The following KLHL7 variants were observed in gnomAD, a reference collection of about 807,000 sequenced individuals.
The protein encoded by KLHL7 is kelch-like protein 7.
Under a neutral mutation model 67.4 loss-of-function variants are expected in KLHL7, and 44 were observed. That is an observed-to-expected ratio of 0.65 (90% CI 0.51 to 0.84). KLHL7 has a LOEUF of 0.84. Ranked by LOEUF, KLHL7 falls within the 40% of genes least tolerant of loss-of-function variation. The probability of loss-of-function intolerance (pLI) is 0.00; values close to 1 mark genes in which losing one functional copy is unlikely to be tolerated. For synonymous variants in KLHL7, 252 were observed against 243.3 expected, an observed-to-expected ratio of 1.04 and a Z score of -0.33; for missense variants, 362 against 718.1, an observed-to-expected ratio of 0.50 and a Z score of 5.67.
intron 4 of KLHL7, among the ~76,000 whole-genome samples, chr7:23,131,733 CTTTTT>C (rs59719158): frequency 4.8e-5 from 6 of 125,250 alleles, no homozygotes; most frequent in Non-Finnish European, 3.3e-5. Context: ...CTTATTTATT[CTTTTT>C]TTTTTTTTTT....
chr7:23,115,048 G>C (rs894176446), intron 1 of KLHL7, among the ~76,000 whole-genome samples: 1 of 152,190 alleles, frequency 6.6e-6, no homozygotes, highest in Admixed American at 6.5e-5. Context: ...CAGCCAGAAA[G>C]CGTTTGCTTG....
At chr7:23,169,791 A>G (rs538932382) in intron 9 of KLHL7, among the ~76,000 whole-genome samples, 1 of 152,322 alleles carries the variant, frequency 6.6e-6, no homozygotes, top group East Asian at 1.9e-4. Flanking sequence ...TTCATTTTAT[A>G]TATATTGAGC....
chr7:23,145,267 T>A (rs1583694768), intron 6 of KLHL7, among the ~76,000 whole-genome samples: 1 of 152,146 alleles, frequency 6.6e-6, no homozygotes, highest in East Asian at 1.9e-4. Flanking sequence ...CTCTTGGCCT[T>A]TTTCTGAGAG....
chr7:23,124,169 C>T (rs4431498), intron 2 of KLHL7, among the ~76,000 whole-genome samples: 6,588 of 109,512 alleles, frequency 0.06, 190 homozygotes, highest in Admixed American at 0.1. Flanking sequence ...CCATCCTGGG[C>T]GTCAGAGCGA....
intron 1 of KLHL7, among the ~76,000 whole-genome samples, chr7:23,114,550 G>A (rs1440138185): frequency 6.6e-6 from 1 of 152,152 alleles, no homozygotes; most frequent in Non-Finnish European, 1.5e-5. Context: ...CCAAGTAGCT[G>A]TAAGTTCTTT....
chr7:23,152,635 A>G (rs1211973610), intron 7 of KLHL7, among the ~76,000 whole-genome samples: 2 of 152,210 alleles, frequency 1.3e-5, no homozygotes, highest in Non-Finnish European at 2.9e-5. Context: ...GAAAACCACA[A>G]AGAAAAAAGA....
Position 23,106,556 on chromosome 7 carries a change from G to A in KLHL7, c.120+410G>A, listed in dbSNP as rs1048520876. On this transcript the variant is annotated intron_variant, in intron 1 of 10. Coordinates refer to ENST00000339077, the MANE Select transcript of KLHL7 (RefSeq NM_001031710.3). Reference sequence around the variant, plus strand: ...CAAACCGAAGCCCCCAAAGGGAGGAGAGTTGCTGGCCTGACATCAGCTGCT... The same window carrying A: ...CAAACCGAAGCCCCCAAAGGGAGGAAAGTTGCTGGCCTGACATCAGCTGCT... 1.6e-5 allele frequency: 17 copies of A among 1,061,222 alleles called. No individual in the cohort carries two copies. The Admixed American group carries it at 2.4e-4, about 15-fold the overall frequency. The allele number at this position is 1,061,222 out of a possible 1,614,324, so 65.7% of individuals were successfully genotyped here. A position where few individuals can be genotyped will look rare whatever the true frequency, so the allele number is the denominator to read the frequency against.
Position 23,175,650 on chromosome 7 carries a change from A to G in KLHL7, c.*1352A>G, listed in dbSNP as rs1005559349. 37 of 272,308 alleles carry G rather than the reference A, an allele frequency of 1.4e-4. No homozygotes were observed. Among genetic ancestry groups the G allele is most frequent in the African/African-American group, 8.5e-4 (37 of 43,276 alleles). 16.9% of individuals were successfully genotyped at this position (272,308 alleles called of 1,614,324 possible). On this transcript the variant is annotated 3_prime_UTR_variant, in exon 11 of 11. Coordinates refer to ENST00000339077, the MANE Select transcript of KLHL7 (RefSeq NM_001031710.3). ...TATTGAGATATAATTCACATACCAT[A>G]CAATTCACCATTTAAAGTATACTAT... is the stretch of plus-strand genomic sequence containing the variant.
At chr7:23,117,699 G>C in intron 1 of KLHL7, 1 of 817,036 alleles carries the variant, frequency 1.2e-6, no homozygotes, top group Non-Finnish European at 1.8e-6. Context: ...TGACAAATGT[G>C]ATTTCTAGAG....
chr7:23,142,014 G>A (rs751307891), intron 5 of KLHL7, among the ~76,000 whole-genome samples: 2 of 152,088 alleles, frequency 1.3e-5, no homozygotes, highest in South Asian at 4.1e-4. Context: ...CACCTCCCGG[G>A]TTCAAGCGAT....
chr7:23,119,997 T>C (rs1295411149), intron 1 of KLHL7, among the ~76,000 whole-genome samples: 10 of 152,046 alleles, frequency 6.6e-5, no homozygotes, highest in Non-Finnish European at 2.9e-5. Context: ...CCTGGTTTGT[T>C]TTATTTTATT....
At chr7:23,145,640 T>C (rs1051077952) in intron 6 of KLHL7, among the ~76,000 whole-genome samples, 4 of 152,242 alleles carry the variant, frequency 2.6e-5, no homozygotes, top group Non-Finnish European at 5.9e-5. Flanking sequence ...TTTGTAGATA[T>C]TGTCTCAGGG....
chr7:23,144,160 C>G, intron 6 of KLHL7, 135 bp downstream of exon 6: 1 of 777,216 alleles, frequency 1.3e-6, no homozygotes. Context: ...TAGTTAATCC[C>G]TTGGGTTTCT....
chr7:23,121,371 C>T (rs552667505), intron 1 of KLHL7, among the ~76,000 whole-genome samples: 1 of 152,230 alleles, frequency 6.6e-6, no homozygotes, highest in Admixed American at 6.5e-5. Context: ...ACTGCAACCT[C>T]CACCTCTGGG....
intron 6 of KLHL7, among the ~76,000 whole-genome samples, chr7:23,147,201 T>A (rs543500598): frequency 6.6e-6 from 1 of 152,018 alleles, no homozygotes; most frequent in East Asian, 1.9e-4. Context: ...GTGATTCTCG[T>A]GCCTCAGCCT....
chr7:23,158,392 A>G (rs1471142289), intron 7 of KLHL7, among the ~76,000 whole-genome samples: 1 of 152,140 alleles, frequency 6.6e-6, no homozygotes, highest in East Asian at 1.9e-4. Context: ...TTACTAGACC[A>G]TGTCACCAAT....
Position 23,172,950 on chromosome 7 carries a change from G to A in KLHL7, c.1382G>A (p.Trp461Ter), listed in dbSNP as rs981039302. 1 of 1,612,208 alleles carries A rather than the reference G, an allele frequency of 6.2e-7. No individual in the cohort carries two copies. Among genetic ancestry groups the A allele is most frequent in the African/African-American group, 1.3e-5 (1 of 74,840 alleles). ...ACTAAAAACTTTAATTTTTTCAGAT[G>A]GACTGAGCTGTGTCCAATGATTGAA... is the stretch of plus-strand genomic sequence containing the variant. ...CEVYDPATET[W>*]TELCPMIEAR... The change falls in exon 10 of 11, where the codon TGG (tryptophan) becomes TAG (stop). Residue 461 changes from tryptophan to a stop codon, truncating the protein, a stop_gained and splice_region_variant. Transcript: ENST00000339077. LOFTEE classifies it high-confidence loss of function.
At chr7:23,168,990 G>A (rs1342609176) in intron 9 of KLHL7, among the ~76,000 whole-genome samples, 5 of 152,168 alleles carry the variant, frequency 3.3e-5, no homozygotes, top group Non-Finnish European at 5.9e-5. Context: ...GCCAGGCATG[G>A]TGGCTCATGC....
In KLHL7 at chr7:23,106,039, G is replaced by T; in HGVS notation, c.13G>T (p.Gly5Trp). Residue 5 changes from glycine to tryptophan, a missense_variant, in exon 1 of 11, where the codon GGG (glycine) becomes TGG (tryptophan). By Grantham distance (184) the Gly-to-Trp change is radical (BLOSUM62 -2). Coordinates refer to ENST00000339077, the MANE Select transcript of KLHL7 (RefSeq NM_001031710.3). ...GAGCTGAGGGAGGATGGCAGCCTCT[G>T]GGGTGGAGAAGAGCAGCAAGAAGAA... MAAS[G>W]VEKSSKKKTE... The T allele has an allele frequency of 1.2e-6, 2 of 1,610,274 alleles. No individual in the cohort carries two copies. Among genetic ancestry groups the T allele is most frequent in the Non-Finnish European group, 1.7e-6 (2 of 1,178,818 alleles).
Sources: gnomAD v4.1 joint callset for allele counts (sites outside exome capture counted in the v4.1 genomes callset) on GRCh38, gnomAD v4.1.1 for gene constraint, MANE v1.5 for transcripts, NCBI Gene and HGNC (gene_info 2026-07-23, HGNC 2026-07-21) for gene names.